Variants in CLDN7 observed in about 807,000 individuals in gnomAD.
CLDN7 encodes claudin-7.
Under a neutral mutation model 20.3 loss-of-function variants are expected in CLDN7, and 15 were observed. The ratio of observed to expected loss-of-function variants is 0.74; its 90% CI spans 0.49 to 1.14. The LOEUF (loss-of-function observed/expected upper bound fraction) is 1.14, where lower values mean the gene tolerates loss of function less well. CLDN7 is among the 50% of genes most tolerant of loss of function. The probability of loss-of-function intolerance (pLI) is 0.00; values close to 1 mark genes in which losing one functional copy is unlikely to be tolerated. For synonymous variants in CLDN7, 117 were observed against 106.1 expected (o/e 1.10, Z -0.63); for missense variants, 261 against 274.2 (o/e 0.95, Z 0.34).
chr17:7,260,936 G>C lies in CLDN7; in HGVS notation c.273C>G (p.Gly91=). ...TCGTGGCCACAAACATGGCCAGGAA[G>C]CCCAGCACCAGGGAGACCACCATTA... ...RALMVVSLVL[G]FLAMFVATMG... The change falls in exon 2 of 4, where the codon GGC becomes GGG. Residue 91 remains glycine, a synonymous_variant. Coordinates refer to ENST00000360325, the MANE Select transcript of CLDN7 (RefSeq NM_001307.6). The C allele has an allele frequency of 6.2e-7, 1 of 1,613,930 alleles. No homozygotes were observed. The highest frequency in any genetic ancestry group is 8.5e-7 in the Non-Finnish European group (1 of 1,180,026).
chr17:7,260,312 A>C lies in CLDN7; in HGVS notation c.*62T>G, dbSNP rs2072184887. The C allele has an allele frequency of 3.4e-6, 5 of 1,474,984 alleles. No homozygotes were observed. The highest frequency in any genetic ancestry group is 1.9e-4 in the Middle Eastern group (1 of 5,392). 91.4% of individuals were successfully genotyped at this position (1,474,984 alleles called of 1,614,324 possible). On this transcript the variant is annotated 3_prime_UTR_variant, in exon 4 of 4. Transcript: ENST00000360325. The stretch of plus-strand genomic sequence containing the variant: ...CTGCCCACAGGCTGAGCTCAGCCCC[A>C]GGCCCTTTCAGGCATCTAGACACTC...
In CLDN7 at chr17:7,260,104, A is replaced by T. The variant is rs1025666667; in HGVS notation, c.*270T>A. ...AGCTCCCTGCAAGGATCTGGACGGG[A>T]GGAAAGCAGAGGCCCTGAAGGGAAA... On this transcript the variant is annotated 3_prime_UTR_variant, in exon 4 of 4. Transcript: ENST00000360325. 1.1e-5 allele frequency: 4 copies of T among 359,430 alleles called. No homozygotes were observed. The highest frequency in any genetic ancestry group is 2.0e-5 in the Non-Finnish European group (4 of 198,580). 22.3% of individuals were successfully genotyped at this position (359,430 alleles called of 1,614,324 possible). A position where few individuals can be genotyped will look rare whatever the true frequency, so the allele number is the denominator to read the frequency against.
chr17:7,261,900 C>G lies in CLDN7; in HGVS notation c.144G>C (p.Lys48Asn). 6.2e-7 allele frequency: 1 copy of G among 1,614,232 alleles called. No homozygotes were observed. Residue 48 changes from lysine to asparagine, a missense_variant, in exon 1 of 4, where the codon AAG (lysine) becomes AAC (asparagine). Physicochemically the swap from Lys to Asn is moderately conservative, Grantham distance 94. Coordinates refer to ENST00000360325, the MANE Select transcript of CLDN7 (RefSeq NM_001307.6). ...GCGTGACGCAGTCCATCCACAGCCC[C>G]TTGTACATGGCCTGGGCCGTGATGA... Reference protein sequence around the residue: ...DNIITAQAMYKGLWMDCVTQS... With the variant: ...DNIITAQAMYNGLWMDCVTQS...
Position 7,262,222 on chromosome 17 carries a change from G to A in CLDN7, c.-179C>T. 2 of 1,434,446 alleles carry A rather than the reference G, an allele frequency of 1.4e-6. No individual in the cohort carries two copies. The highest frequency in any genetic ancestry group is 1.8e-6 in the Non-Finnish European group (2 of 1,099,936). The allele number at this position is 1,434,446 out of a possible 1,614,324, so 88.9% of individuals were successfully genotyped here. On this transcript the variant is annotated 5_prime_UTR_variant, in exon 1 of 4. Transcript: ENST00000360325. The surrounding 1 kb of genome is among the most constrained non-coding windows in gnomAD (Gnocchi z 6.6). ...CTTGTCACCAAACTACACACAAATC[G>A]ACCCCTCCAGTGAAGCGATGGCCTC... is the stretch of plus-strand genomic sequence containing the variant.
In CLDN7 at chr17:7,261,003, G is replaced by C. The variant is rs948772806; in HGVS notation, c.224-18C>G. 6.3e-7 allele frequency: 1 copy of C among 1,598,124 alleles called. No homozygotes were observed. Among genetic ancestry groups the C allele is most frequent in the Admixed American group, 1.7e-5 (1 of 57,888 alleles). On this transcript the variant is annotated intron_variant, in intron 1 of 3. Coordinates refer to ENST00000360325, the MANE Select transcript of CLDN7 (RefSeq NM_001307.6). Reference sequence around the variant, plus strand: ...CAAGGCCGCTGCGGGCGAGGGGAAAGGGCGCCGTCATTGCTGGAAATGCAG... The same window carrying C: ...CAAGGCCGCTGCGGGCGAGGGGAAACGGCGCCGTCATTGCTGGAAATGCAG...
rs1567596313 is a variant in CLDN7 at position 7,261,906 on chromosome 17, C to G, written c.138G>C (p.Met46Ile). The G allele has an allele frequency of 1.2e-5, 19 of 1,614,218 alleles. No individual in the cohort carries two copies. The highest frequency in any genetic ancestry group is 1.5e-5 in the Non-Finnish European group (18 of 1,180,046). Residue 46 changes from methionine to isoleucine, a missense_variant, in exon 1 of 4, where the codon ATG (methionine) becomes ATC (isoleucine). Met to Ile is a conservative substitution (Grantham distance 10). Transcript: ENST00000360325. ...CGCAGTCCATCCACAGCCCCTTGTA[C>G]ATGGCCTGGGCCGTGATGATGTTGT... ...AGDNIITAQAMYKGLWMDCVT... is the reference protein window; with the variant it reads ...AGDNIITAQAIYKGLWMDCVT...
chr17:7,260,791 C>T (rs369509007), intron 2 of CLDN7, 30 bp downstream of exon 2: 19 of 1,614,114 alleles, frequency 1.2e-5, no homozygotes, highest in Non-Finnish European at 1.4e-5. Context: ...CAGCCTTGCT[C>T]CTCCCAGATG....
rs1303217687 is a variant in CLDN7 at position 7,259,923 on chromosome 17, T to G, written c.*451A>C. Reference sequence around the variant, plus strand: ...CCCCGTACCTAATAAAAATCTTTATTTTTTTATTAAAAAAGAAGTACTTTG... The same window carrying G: ...CCCCGTACCTAATAAAAATCTTTATGTTTTTATTAAAAAAGAAGTACTTTG... On this transcript the variant is annotated 3_prime_UTR_variant, in exon 4 of 4. Transcript: ENST00000360325. 4.1e-6 allele frequency: 2 copies of G among 482,028 alleles called. No individual in the cohort carries two copies. The highest frequency in any genetic ancestry group is 7.7e-5 in the East Asian group (2 of 26,112). The allele number at this position is 482,028 out of a possible 1,614,324, so 29.9% of individuals were successfully genotyped here. A position where few individuals can be genotyped will look rare whatever the true frequency, so the allele number is the denominator to read the frequency against.
In CLDN7 at chr17:7,259,946, T is replaced by C. The variant is rs1294999988; in HGVS notation, c.*428A>G. 2.5e-6 allele frequency: 1 copy of C among 404,398 alleles called. No homozygotes were observed. Among genetic ancestry groups the C allele is most frequent in the East Asian group, 4.5e-5 (1 of 22,392 alleles). The allele number at this position is 404,398 out of a possible 1,614,324, so 25.1% of individuals were successfully genotyped here. A position where few individuals can be genotyped will look rare whatever the true frequency, so the allele number is the denominator to read the frequency against. ...ATTTTTTTATTAAAAAAGAAGTACT[T>C]TGGTAGCTATTTAAATAAGAGGGGG... is the stretch of plus-strand genomic sequence containing the variant. On this transcript the variant is annotated 3_prime_UTR_variant, in exon 4 of 4. Coordinates refer to ENST00000360325, the MANE Select transcript of CLDN7 (RefSeq NM_001307.6).
chr17:7,261,180 C>T (rs112566076), intron 1 of CLDN7, 195 bp from the exon 2 acceptor site: 26,209 of 703,012 alleles, frequency 0.037, 560 homozygotes, highest in Middle Eastern at 0.055. Context: ...CGCGGCCTTC[C>T]TGCTCCCGCC....
In CLDN7 at chr17:7,262,068, G is replaced by T. The variant is rs779894575; in HGVS notation, c.-25C>A. ...TTTCCGCCCTCAGAAAACACTGGGG[G>T]CGCCGGGCGGGGAGACCCTACAGTA... On this transcript the variant is annotated 5_prime_UTR_variant, in exon 1 of 4. Transcript: ENST00000360325. This position sits in a 1 kb window ranked among gnomAD's most constrained non-coding sequence, Gnocchi z 6.6. 2 of 1,532,750 alleles carry T rather than the reference G, an allele frequency of 1.3e-6. No homozygotes were observed. The highest frequency in any genetic ancestry group is 2.3e-5 in the South Asian group (2 of 86,506). 94.9% of individuals were successfully genotyped at this position (1,532,750 alleles called of 1,614,324 possible).
In CLDN7 at chr17:7,260,853, G is replaced by A. The variant is rs1227322853; in HGVS notation, c.356C>T (p.Ala119Val). The A allele has an allele frequency of 1.9e-6, 3 of 1,614,228 alleles. No homozygotes were observed. The highest frequency in any genetic ancestry group is 2.5e-6 in the Non-Finnish European group (3 of 1,180,036). The change falls in exon 2 of 4, where the codon GCC becomes GTC. Residue 119 changes from alanine (A) to valine (V), a missense_variant. Ala to Val is a moderately conservative substitution (Grantham distance 64). Transcript: ENST00000360325. ...GATGAAAATTATGCCTCCACCCATGGCTATACGGGCCTTCTTCACTTTGTC... is the reference window on the plus strand; with the variant it reads ...GATGAAAATTATGCCTCCACCCATGACTATACGGGCCTTCTTCACTTTGTC... The part of the protein sequence containing the change: ...GDDKVKKARI[A>V]MGGGIIFIVA...
In CLDN7 at chr17:7,260,968, G is replaced by C. The variant is rs781744000; in HGVS notation, c.241C>G (p.Arg81Gly). Reference sequence around the variant, plus strand: ...ACCAGGGAGACCACCATTAGGGCTCGAGTGGCCTGCAAGGCCGCTGCGGGC... The same window carrying C: ...ACCAGGGAGACCACCATTAGGGCTCCAGTGGCCTGCAAGGCCGCTGCGGGC... ...LALSAALQAT[R>G]ALMVVSLVLG... Residue 81 changes from arginine (R) to glycine (G), a missense_variant, in exon 2 of 4, where the codon CGA (arginine) becomes GGA (glycine). Arg to Gly is a moderately radical substitution (Grantham distance 125). Around this residue, in one of 2 missense-constraint regions of CLDN7, gnomAD observed 215 missense variants for 199.6 expected, o/e 1.08. Coordinates refer to ENST00000360325, the MANE Select transcript of CLDN7 (RefSeq NM_001307.6). 1.2e-6 allele frequency: 2 copies of C among 1,612,380 alleles called. No homozygotes were observed. Among genetic ancestry groups the C allele is most frequent in the Non-Finnish European group, 1.7e-6 (2 of 1,179,882 alleles).
chr17:7,260,230 A>G lies in CLDN7; in HGVS notation c.*144T>C. ...ACGGCACCCCCCCACCCCCAACCCA[A>G]GAGGACTATACATGGAGTGCAGGGA... On this transcript the variant is annotated 3_prime_UTR_variant, in exon 4 of 4. Coordinates refer to ENST00000360325, the MANE Select transcript of CLDN7 (RefSeq NM_001307.6). The G allele has an allele frequency of 1.4e-6, 1 of 701,952 alleles. No individual in the cohort carries two copies. The allele number at this position is 701,952 out of a possible 1,614,324, so 43.5% of individuals were successfully genotyped here. A position where few individuals can be genotyped will look rare whatever the true frequency, so the allele number is the denominator to read the frequency against.
Position 7,260,944 on chromosome 17 carries a change from C to T in CLDN7, c.265G>A (p.Val89Met), listed in dbSNP as rs758773722. 2 of 1,613,716 alleles carry T rather than the reference C, an allele frequency of 1.2e-6. No individual in the cohort carries two copies. Among genetic ancestry groups the T allele is most frequent in the South Asian group, 1.1e-5 (1 of 91,086 alleles). Reference sequence around the variant, plus strand: ...ACAAACATGGCCAGGAAGCCCAGCACCAGGGAGACCACCATTAGGGCTCGA... The same window carrying T: ...ACAAACATGGCCAGGAAGCCCAGCATCAGGGAGACCACCATTAGGGCTCGA... ...ATRALMVVSL[V>M]LGFLAMFVAT... Residue 89 changes from valine (V) to methionine (M), a missense_variant, in exon 2 of 4, where the codon GTG (valine) becomes ATG (methionine). This residue lies in a region of CLDN7 where 215 missense variants were observed against 199.6 expected (regional missense o/e 1.08). Coordinates refer to ENST00000360325, the MANE Select transcript of CLDN7 (RefSeq NM_001307.6).
rs775516909 is a variant in CLDN7, at chr17:7,261,015, T to C, written c.224-30A>G. On this transcript the variant is annotated intron_variant, in intron 1 of 3. Coordinates refer to ENST00000360325, the MANE Select transcript of CLDN7 (RefSeq NM_001307.6). The stretch of plus-strand genomic sequence containing the variant: ...GGGCGAGGGGAAAGGGCGCCGTCAT[T>C]GCTGGAAATGCAGGCGGCTCCAGCC... 2.5e-5 allele frequency: 39 copies of C among 1,587,778 alleles called. 1 individual carries two copies. In the South Asian group the frequency reaches 4.4e-4, roughly 18 times the overall value.
chr17:7,261,210 A>C, intron 1 of CLDN7: 1 of 605,348 alleles, frequency 1.7e-6, no homozygotes. Flanking sequence ...CCGCTCAAGG[A>C]TCCGCCCGGG....
chr17:7,260,601 C>T (rs752095132), intron 3 of CLDN7, 41 bp downstream of exon 3: 1 of 1,613,802 alleles, frequency 6.2e-7, no homozygotes, highest in Non-Finnish European at 8.5e-7. Context: ...ATTCCAGGAC[C>T]CCAGACCTGT....
chr17:7,260,764 C>T, intron 2 of CLDN7, 38 bp from the exon 3 acceptor site: 2 of 1,614,162 alleles, frequency 1.2e-6, no homozygotes, highest in South Asian at 1.1e-5. Context: ...AGTGAGGCCC[C>T]AAATGGGCGC....
Sources: gnomAD v4.1 joint callset for allele counts on GRCh38, gnomAD v4.1.1 for gene constraint, gnomAD v4.1.1 regional missense constraint, Gnocchi (gnomAD v3.1) non-coding constraint, MANE v1.5 for transcripts, NCBI Gene and HGNC (gene_info 2026-07-23, HGNC 2026-07-21) for gene names.